The following ZFHX3 variants were observed in gnomAD, a reference collection of about 807,000 sequenced individuals.
The protein encoded by ZFHX3 is zinc finger homeobox protein 3.
A neutral mutation model predicts 279.1 loss-of-function variants in ZFHX3; 42 were observed. That is an observed-to-expected ratio of 0.15 (90% confidence interval 0.12 to 0.19). The LOEUF (loss-of-function observed/expected upper bound fraction) is 0.19. Ranked by LOEUF, ZFHX3 falls within the 10% of genes least tolerant of loss-of-function variation. The pLI is 1.00. For synonymous variants in ZFHX3, 2,293 were observed against 1,957.8 expected, an observed-to-expected ratio of 1.17 and a Z score of -4.52; for missense variants, 4,981 against 4,754.0, an observed-to-expected ratio of 1.05 and a Z score of -1.40.
Position 73,010,264 on chromosome 16 carries a change from C to A in ZFHX3, c.-50+37488G>T, listed in dbSNP as rs981136961. Among the ~76,000 whole-genome samples the A allele has an allele frequency of 3.3e-5, 5 of 152,274 alleles. No homozygotes were observed. In the South Asian group the frequency reaches 6.2e-4, roughly 19 times the overall value. On this transcript the variant is annotated intron_variant, in intron 1 of 9. Coordinates refer to ENST00000268489, the MANE Select transcript of ZFHX3 (RefSeq NM_006885.4). ...CCCAGCTGTGGGGAAGGAAACTGTG[C>A]CACCTGCATCGCCCGTGTGCCAAAT...
chr16:73,279,675 T>C (rs1474119035), intron 4 of ZFHX3, among the ~76,000 whole-genome samples: 1 of 152,124 alleles, frequency 6.6e-6, no homozygotes, highest in Non-Finnish European at 1.5e-5. Flanking sequence ...CTTAGAAGCT[T>C]GGCAGGCACT....
intron 1 of ZFHX3, among the ~76,000 whole-genome samples, chr16:73,789,460 G>A (rs1039741845): frequency 4.6e-5 from 7 of 152,136 alleles, no homozygotes; most frequent in Admixed American, 2.6e-4. Flanking sequence ...GATTACAGGC[G>A]TGAGCCACCG....
At chr16:72,876,742 T>C (rs1293340634) in intron 4 of ZFHX3, among the ~76,000 whole-genome samples, 3 of 152,168 alleles carry the variant, frequency 2.0e-5, no homozygotes, top group Non-Finnish European at 4.4e-5. Flanking sequence ...TTTTCAATTT[T>C]TTTCCCCCCT....
intron 5 of ZFHX3, among the ~76,000 whole-genome samples, chr16:73,243,317 G>T (rs2013181753): frequency 6.6e-6 from 1 of 152,162 alleles, no homozygotes; most frequent in Non-Finnish European, 1.5e-5. Flanking sequence ...GTGGGTATTG[G>T]AAGGTCTGGA....
At chr16:73,770,264 C>T (rs1389764273) in intron 1 of ZFHX3, among the ~76,000 whole-genome samples, 2 of 152,190 alleles carry the variant, frequency 1.3e-5, no homozygotes, top group Non-Finnish European at 2.9e-5. Context: ...CCATTGCTGG[C>T]TTTGAAAGTT....
intron 3 of ZFHX3, among the ~76,000 whole-genome samples, chr16:72,927,271 T>C (rs1959503532): frequency 6.6e-6 from 1 of 152,232 alleles, no homozygotes; most frequent in Non-Finnish European, 1.5e-5. Flanking sequence ...CCAATGAGTC[T>C]TCTCCCTGTG....
chr16:72,993,259 C>T (rs756510284), intron 1 of ZFHX3, among the ~76,000 whole-genome samples: 1 of 152,226 alleles, frequency 6.6e-6, no homozygotes, highest in Non-Finnish European at 1.5e-5. Flanking sequence ...TCACTCCTCA[C>T]CCAAGCACCC....
At chr16:73,474,736 A>T (rs1200480811) in intron 2 of ZFHX3, among the ~76,000 whole-genome samples, 1 of 152,164 alleles carries the variant, frequency 6.6e-6, no homozygotes, top group Non-Finnish European at 1.5e-5. Flanking sequence ...CCCTGACTTT[A>T]GTCTCATTCC....
intron 5 of ZFHX3, among the ~76,000 whole-genome samples, chr16:73,195,385 T>C (rs541750081): frequency 4.0e-5 from 6 of 150,820 alleles, no homozygotes; most frequent in African/African-American, 1.5e-4. Flanking sequence ...GATACAGAAA[T>C]ACTACAAAAT....
chr16:73,414,510 C>G (rs2017532277), intron 3 of ZFHX3, among the ~76,000 whole-genome samples: 1 of 152,178 alleles, frequency 6.6e-6, no homozygotes, highest in Non-Finnish European at 1.5e-5. Flanking sequence ...CTTATATTTA[C>G]CAAAGCAGTT....
chr16:73,032,325 C>CA (rs935094978), intron 1 of ZFHX3, among the ~76,000 whole-genome samples: 25 of 151,844 alleles, frequency 1.6e-4, no homozygotes, highest in African/African-American at 4.6e-4. Context: ...AAAAGCAAAA[C>CA]AAAAAAACAA....
intron 1 of ZFHX3, among the ~76,000 whole-genome samples, chr16:73,755,855 A>C (rs2053803727): frequency 6.6e-6 from 1 of 152,240 alleles, no homozygotes; most frequent in African/African-American, 2.4e-5. Context: ...CTTGGAGCAG[A>C]CAAGCTTCCT....
chr16:73,356,243 T>C (rs911429167), intron 3 of ZFHX3, among the ~76,000 whole-genome samples: 7 of 152,280 alleles, frequency 4.6e-5, no homozygotes, highest in East Asian at 1.9e-4. Flanking sequence ...CAGGACCTAA[T>C]TGATTGCTTT....
intron 2 of ZFHX3, among the ~76,000 whole-genome samples, chr16:73,527,996 G>A (rs1404925819): frequency 2.0e-5 from 3 of 152,220 alleles, no homozygotes; most frequent in Non-Finnish European, 2.9e-5. Flanking sequence ...AATTTGTTAT[G>A]TATCAATAGA....
At chr16:73,408,271 A>T (rs2017403456) in intron 3 of ZFHX3, among the ~76,000 whole-genome samples, 1 of 152,138 alleles carries the variant, frequency 6.6e-6, no homozygotes, top group Non-Finnish European at 1.5e-5. Context: ...AGACGTGTGG[A>T]TGAAATGATC....
At chr16:73,545,662 G>C (rs1323065138) in intron 2 of ZFHX3, among the ~76,000 whole-genome samples, 1 of 152,018 alleles carries the variant, frequency 6.6e-6, no homozygotes, top group Non-Finnish European at 1.5e-5. Flanking sequence ...CTTTGAAACA[G>C]TTTATAACAT....
At chr16:73,463,963 C>A (rs1382363720) in intron 2 of ZFHX3, among the ~76,000 whole-genome samples, 3 of 152,112 alleles carry the variant, frequency 2.0e-5, no homozygotes, top group South Asian at 4.2e-4. Flanking sequence ...GTCTACCATG[C>A]CTTAAGAAAC....
At chr16:73,188,848 G>A (rs1344508549) in intron 5 of ZFHX3, among the ~76,000 whole-genome samples, 2 of 149,126 alleles carry the variant, frequency 1.3e-5, no homozygotes, top group South Asian at 2.1e-4. Flanking sequence ...GGAGGCTAGC[G>A]TCTGGATATT....
chr16:73,130,874 C>G, intron 7 of ZFHX3: 2 of 1,093,546 alleles, frequency 1.8e-6, no homozygotes. Context: ...TCCCAAAGTG[C>G]TGGGATCACA....
Sources: allele counts gnomAD v4.1 joint callset (sites outside exome capture counted in the v4.1 genomes callset), GRCh38; gene constraint gnomAD v4.1.1; transcripts MANE v1.5; gene names NCBI Gene and HGNC (gene_info 2026-07-23, HGNC 2026-07-21).